ACTR8: variants seen among roughly 807,000 people sequenced by gnomAD.
ACTR8 encodes the protein actin related protein 8.
ACTR8 carries 70 observed loss-of-function variants against 84.3 expected under a neutral mutation model. The observed-to-expected ratio is 0.83, with a 90% CI of 0.68 to 1.01. The LOEUF (loss-of-function observed/expected upper bound fraction) is 1.01. ACTR8 is among the 50% of genes least tolerant of loss of function. The pLI is 0.00. For missense variants in ACTR8, 672 were observed against 775.4 expected, an observed-to-expected ratio of 0.87 and a Z score of 1.58; for synonymous variants, 268 against 275.2, an observed-to-expected ratio of 0.97 and a Z score of 0.26.
At chr3:53,872,170 T>C (rs1699892275) in intron 10 of ACTR8, among the ~76,000 whole-genome samples, 1 of 152,246 alleles carries the variant, frequency 6.6e-6, no homozygotes, top group Admixed American at 6.5e-5. Flanking sequence ...AACTTTTAAA[T>C]GTATGGACTA....
downstream of ACTR8, chr3:53,864,622 C>T: frequency 1.4e-6 from 1 of 733,460 alleles, no homozygotes; most frequent in South Asian, 1.7e-5. Context: ...CTTGCTGTCA[C>T]TAACAAGGCC....
rs747115198 is a variant in ACTR8 at position 53,876,622 on chromosome 3, G to GA, written c.775dup (p.Ser259PhefsTer55). Reference sequence around the variant, plus strand: ...TTTCACTGGGATATCAGACATACCTGAAAAACCCATCTTCATTAGTATCAT... The same window carrying GA: ...TTTCACTGGGATATCAGACATACCTGAAAAAACCCATCTTCATTAGTATCAT... On this transcript the variant is annotated frameshift_variant, in exon 6 of 13. Coordinates refer to ENST00000335754, the MANE Select transcript of ACTR8 (RefSeq NM_022899.5). LOFTEE classifies it high-confidence loss of function. 2.1e-5 allele frequency: 32 copies of GA among 1,560,324 alleles called. No individual in the cohort carries two copies. The African/African-American group carries it at 3.8e-4, about 19-fold the overall frequency.
chr3:53,861,945 CA>C, the ACTR8 span, among the ~76,000 whole-genome samples: 3 of 152,170 alleles, frequency 2.0e-5, no homozygotes, highest in Non-Finnish European at 4.4e-5. Context: ...TGTACAAATG[CA>C]ATTGGGTTTA....
chr3:53,881,843 G>C, intron 1 of ACTR8, 136 bp downstream of exon 1: 1 of 1,382,560 alleles, frequency 7.2e-7, no homozygotes, highest in Non-Finnish European at 9.6e-7. Flanking sequence ...GGAAAAGAAC[G>C]ACCGCTTCCG....
downstream of ACTR8, chr3:53,864,803 T>C (rs1239745283): frequency 6.2e-7 from 1 of 1,614,128 alleles, no homozygotes; most frequent in South Asian, 1.1e-5. Context: ...ATTAAGGTTC[T>C]TGTGGTTTAC....
chr3:53,866,910 A>C (rs921590563), downstream of ACTR8, among the ~76,000 whole-genome samples: 1 of 152,238 alleles, frequency 6.6e-6, no homozygotes, highest in South Asian at 2.1e-4. Context: ...TTTCAGATGG[A>C]TGACTATTAA....
intron 6 of ACTR8, 137 bp from the exon 7 acceptor site, chr3:53,876,217 A>C: frequency 8.7e-7 from 1 of 1,149,716 alleles, no homozygotes; most frequent in South Asian, 1.6e-5. Flanking sequence ...TTTCAGAATA[A>C]GCATTTAAAT....
downstream of ACTR8, among the ~76,000 whole-genome samples, chr3:53,864,520 G>A (rs889590772): frequency 1.3e-5 from 2 of 152,182 alleles, no homozygotes; most frequent in South Asian, 4.2e-4. Flanking sequence ...GGGCGACAGA[G>A]TGAGACTATG....
intron 6 of ACTR8, 91 bp from the exon 7 acceptor site, chr3:53,876,171 G>C: frequency 6.7e-7 from 1 of 1,490,556 alleles, no homozygotes; most frequent in East Asian, 2.4e-5. Context: ...GGGAGCCTAG[G>C]GACCTCTGGG....
chr3:53,881,809 C>T, intron 1 of ACTR8, 170 bp downstream of exon 1: 2 of 1,123,284 alleles, frequency 1.8e-6, no homozygotes, highest in African/African-American at 1.6e-5. Context: ...TCCCAGCCCT[C>T]GGCGTCCCGG....
At chr3:53,864,275 G>A (rs1353684647), downstream of ACTR8, among the ~76,000 whole-genome samples, 7 of 152,172 alleles carry the variant, frequency 4.6e-5, no homozygotes, top group Non-Finnish European at 5.9e-5. Flanking sequence ...GGTGGCTCAC[G>A]CCTGTAATCC....
the ACTR8 span, chr3:53,860,213 C>G: frequency 6.2e-7 from 1 of 1,613,146 alleles, no homozygotes; most frequent in Middle Eastern, 1.7e-4. Flanking sequence ...AGGGATCTAT[C>G]TAATGTGGAG....
intron 10 of ACTR8, among the ~76,000 whole-genome samples, chr3:53,871,837 C>G (rs1483881626): frequency 6.6e-6 from 1 of 152,228 alleles, no homozygotes; most frequent in African/African-American, 2.4e-5. Flanking sequence ...ATTCATGGGC[C>G]ATGACTGTTA....
At chr3:53,874,168 T>G in intron 8 of ACTR8, 43 bp downstream of exon 8, 1 of 1,576,004 alleles carries the variant, frequency 6.3e-7, no homozygotes, top group Non-Finnish European at 8.6e-7. Context: ...CTTAAATTTT[T>G]CCTAGAAACA....
In ACTR8 at chr3:53,876,044, T is replaced by C. The variant is rs1007773592; in HGVS notation, c.815A>G (p.Tyr272Cys). 6.2e-7 allele frequency: 1 copy of C among 1,613,504 alleles called. No individual in the cohort carries two copies. The highest frequency in any genetic ancestry group is 1.1e-5 in the South Asian group (1 of 91,046). ...VVHQESVCAT[Y>C]GSGLSSTCIV... Reference sequence around the variant, plus strand: ...ACACGTGCTGCTTAAGCCACTTCCATAGGTGGCACACACAGACTCCTGATG... The same window carrying C: ...ACACGTGCTGCTTAAGCCACTTCCACAGGTGGCACACACAGACTCCTGATG... The change falls in exon 7 of 13, where the codon TAT (tyrosine) becomes TGT (cysteine). Residue 272 changes from tyrosine to cysteine, a missense_variant. Coordinates refer to ENST00000335754, the MANE Select transcript of ACTR8 (RefSeq NM_022899.5).
Position 53,868,690 on chromosome 3 carries a change from G to C in ACTR8, c.*29C>G. 1 of 1,606,064 alleles carries C rather than the reference G, an allele frequency of 6.2e-7. No individual in the cohort carries two copies. Among genetic ancestry groups the C allele is most frequent in the East Asian group, 2.2e-5 (1 of 44,786 alleles). ...CTTTTATACCAAGAAGCTTGTTTTT[G>C]GTCTTCGGCAGTGACATTTCCTCCC... On this transcript the variant is annotated 3_prime_UTR_variant, in exon 13 of 13. Transcript: ENST00000335754.
rs1699810028 is a variant in ACTR8 at position 53,867,475 on chromosome 3, C to T, written c.*1244G>A. Reference sequence around the variant, plus strand: ...CTACTGAGCAGTTACAGAGGGTACTCCCATTGATACAAAATGCTCAGGTAC... The same window carrying T: ...CTACTGAGCAGTTACAGAGGGTACTTCCATTGATACAAAATGCTCAGGTAC... On this transcript the variant is annotated 3_prime_UTR_variant, in exon 13 of 13. Transcript: ENST00000335754. The T allele has an allele frequency of 6.6e-6, 1 of 152,200 alleles. No individual in the cohort carries two copies. The highest frequency in any genetic ancestry group is 2.4e-5 in the African/African-American group (1 of 41,436). 9.4% of individuals were successfully genotyped at this position (152,200 alleles called of 1,614,324 possible). A position where few individuals can be genotyped will look rare whatever the true frequency, so the allele number is the denominator to read the frequency against.
chr3:53,874,014 C>T (rs147198361), intron 8 of ACTR8, among the ~76,000 whole-genome samples, 197 bp downstream of exon 8: 11,080 of 152,022 alleles, frequency 0.073, 612 homozygotes, highest in Middle Eastern at 0.16. Flanking sequence ...TTATTAGAGA[C>T]GGAGTTTCAC....
Position 53,868,723 on chromosome 3 carries a change from C to A in ACTR8, c.1871G>T (p.Trp624Leu), listed in dbSNP as rs1461956421. 1.2e-5 allele frequency: 19 copies of A among 1,613,604 alleles called. No homozygotes were observed. Among genetic ancestry groups the A allele is most frequent in the Non-Finnish European group, 1.5e-5 (18 of 1,179,864 alleles). The part of the protein sequence containing the change: ...RMLRERAAFV[W>L] The stretch of plus-strand genomic sequence containing the variant: ...GCAGTGACATTTCCTCCCCATTCAC[C>A]ACACAAACGCAGCCCGCTCTCGTAA... Residue 624 changes from tryptophan (W) to leucine (L), a missense_variant, in exon 13 of 13, where the codon TGG becomes TTG. Coordinates refer to ENST00000335754, the MANE Select transcript of ACTR8 (RefSeq NM_022899.5).
Sources: allele counts gnomAD v4.1 joint callset (sites outside exome capture counted in the v4.1 genomes callset), GRCh38; gene constraint gnomAD v4.1.1; transcripts MANE v1.5; gene names NCBI Gene and HGNC (gene_info 2026-07-23, HGNC 2026-07-21).